The following GRIK2 variants were observed in gnomAD, a reference collection of about 807,000 sequenced individuals.
GRIK2 encodes the protein glutamate receptor ionotropic, kainate 2.
A neutral mutation model predicts 100.3 loss-of-function variants in GRIK2; 32 were observed. The observed-to-expected ratio is 0.32, with a 90% CI of 0.24 to 0.43. GRIK2 has a LOEUF of 0.43. Among genes scored for constraint, GRIK2 ranks in the 20% least tolerant of loss-of-function variants. GRIK2 has a pLI of 1.00. For missense variants in GRIK2, 843 were observed against 1,114.9 expected (o/e 0.76, Z 3.47); for synonymous variants, 417 against 389.4 (o/e 1.07, Z -0.83).
At chr6:101,428,443 G>A (rs776592934) in intron 2 of GRIK2, among the ~76,000 whole-genome samples, 22 of 152,138 alleles carry the variant, frequency 1.4e-4, no homozygotes, top group Non-Finnish European at 2.6e-4. Flanking sequence ...AAGGCCTAAG[G>A]CTTTGGTCAT....
intron 14 of GRIK2, among the ~76,000 whole-genome samples, chr6:102,020,729 T>G (rs566774906): frequency 1.3e-5 from 2 of 152,006 alleles, no homozygotes; most frequent in South Asian, 4.1e-4. Flanking sequence ...CTATTCCTGC[T>G]TTTAGAACAA....
At chr6:102,007,082 C>T (rs529991302) in intron 14 of GRIK2, among the ~76,000 whole-genome samples, 9 of 152,010 alleles carry the variant, frequency 5.9e-5, no homozygotes, top group African/African-American at 1.7e-4. Context: ...GTAAACAAAA[C>T]GTATTCCAGT....
chr6:101,676,977 A>G (rs1318560519), intron 5 of GRIK2, among the ~76,000 whole-genome samples, 173 bp downstream of exon 5: 6 of 152,160 alleles, frequency 3.9e-5, no homozygotes. Context: ...AAGAAAAGTA[A>G]TGTAAACATT....
intron 11 of GRIK2, among the ~76,000 whole-genome samples, chr6:101,863,876 G>A (rs1465715230): frequency 2.6e-5 from 4 of 152,224 alleles, no homozygotes; most frequent in East Asian, 1.9e-4. Context: ...GGTGGCTCAC[G>A]CCTGTAATCC....
chr6:101,654,545 C>CT (rs1781966259), intron 4 of GRIK2, among the ~76,000 whole-genome samples: 1 of 152,186 alleles, frequency 6.6e-6, no homozygotes, highest in African/African-American at 2.4e-5. Flanking sequence ...CCCTACTCCT[C>CT]TCCCCATTCT....
At chr6:101,700,568 C>G (rs1439977641) in intron 7 of GRIK2, among the ~76,000 whole-genome samples, 1 of 152,070 alleles carries the variant, frequency 6.6e-6, no homozygotes, top group Non-Finnish European at 1.5e-5. Flanking sequence ...TACACTAACT[C>G]TAAGTCTCAC....
intron 10 of GRIK2, among the ~76,000 whole-genome samples, chr6:101,826,828 C>G (rs1012923286): frequency 6.6e-6 from 1 of 151,966 alleles, no homozygotes; most frequent in Non-Finnish European, 1.5e-5. Flanking sequence ...GAATGATAGT[C>G]ACTATGCCGA....
intron 2 of GRIK2, among the ~76,000 whole-genome samples, chr6:101,506,287 T>C (rs1318803092): frequency 1.3e-5 from 2 of 152,162 alleles, no homozygotes; most frequent in African/African-American, 4.8e-5. Context: ...TAAAAGAAGT[T>C]GGACTAAATA....
chr6:101,910,858 CACACACAT>C (rs1302814783), intron 12 of GRIK2, among the ~76,000 whole-genome samples: 11 of 150,806 alleles, frequency 7.3e-5, no homozygotes, highest in African/African-American at 2.4e-4. Flanking sequence ...CACACACACA[CACACACAT>C]ACACAAGCAT....
At chr6:101,966,033 A>C (rs1190311437) in intron 14 of GRIK2, among the ~76,000 whole-genome samples, 2 of 152,198 alleles carry the variant, frequency 1.3e-5, no homozygotes, top group Non-Finnish European at 1.5e-5. Flanking sequence ...TCGTGACTGC[A>C]TGTACTTTGT....
chr6:101,943,010 G>A (rs1791051122), intron 14 of GRIK2, among the ~76,000 whole-genome samples: 1 of 152,170 alleles, frequency 6.6e-6, no homozygotes, highest in African/African-American at 2.4e-5. Context: ...CAGGCCTAGA[G>A]GCCTAGGAGG....
In GRIK2 at chr6:101,752,034, C is replaced by A. The variant is rs541742766; in HGVS notation, c.952-47614C>A. On this transcript the variant is annotated intron_variant, in intron 7 of 16. Transcript: ENST00000369134. ...CCTATGTACTATTTAGTTTCCCATTCATACAATTTCATGTAGAAAAGAAAA... is the reference window on the plus strand; with the variant it reads ...CCTATGTACTATTTAGTTTCCCATTAATACAATTTCATGTAGAAAAGAAAA... 7.2e-5 allele frequency among the ~76,000 whole-genome samples: 11 copies of A among 152,256 alleles called. No homozygotes were observed. The South Asian group carries it at 1.7e-3, about 23-fold the overall frequency.
chr6:101,450,694 G>T (rs1023979411), intron 2 of GRIK2, among the ~76,000 whole-genome samples: 2 of 151,290 alleles, frequency 1.3e-5, no homozygotes, highest in African/African-American at 4.8e-5. Flanking sequence ...CTTTGATATG[G>T]TGTAACAAAA....
intron 2 of GRIK2, among the ~76,000 whole-genome samples, chr6:101,583,570 A>T (rs2128303846): frequency 6.6e-6 from 1 of 152,252 alleles, no homozygotes; most frequent in South Asian, 2.1e-4. Context: ...GATGCATCAG[A>T]TAGTGGACTT....
At position 101,441,263 on chromosome 6, in the gene GRIK2, A is replaced by G. The variant is rs1462703057; in HGVS notation, c.115+41871A>G. 2.0e-5 allele frequency among the ~76,000 whole-genome samples: 3 copies of G among 152,054 alleles called. No individual in the cohort carries two copies. The East Asian group carries it at 5.8e-4, about 29-fold the overall frequency. ...AGTAGTCTACTCTCTGTCCCTTGTC[A>G]TCACAGTATTCTTGCTTTTGAGGGA... is the stretch of plus-strand genomic sequence containing the variant. On this transcript the variant is annotated intron_variant, in intron 2 of 16. Transcript: ENST00000369134.
chr6:101,400,489 T>C (rs1775240287), intron 2 of GRIK2, among the ~76,000 whole-genome samples: 1 of 152,220 alleles, frequency 6.6e-6, no homozygotes, highest in African/African-American at 2.4e-5. Flanking sequence ...TTGTAGGCAC[T>C]TCCTCTGACA....
chr6:101,712,249 T>G (rs530071667), intron 7 of GRIK2, among the ~76,000 whole-genome samples: 1 of 151,960 alleles, frequency 6.6e-6, no homozygotes, highest in African/African-American at 2.4e-5. Flanking sequence ...CTGTGTGTGG[T>G]CCACTGAGCA....
intron 2 of GRIK2, among the ~76,000 whole-genome samples, chr6:101,569,480 T>C (rs1054143995): frequency 2.8e-4 from 42 of 151,892 alleles, no homozygotes; most frequent in African/African-American, 9.9e-4. Flanking sequence ...AGTAAATTTA[T>C]AAATATAAAT....
chr6:102,067,642 G>T (rs765837810), intron 16 of GRIK2, among the ~76,000 whole-genome samples: 18 of 151,662 alleles, frequency 1.2e-4, no homozygotes, highest in Admixed American at 4.0e-4. Flanking sequence ...GCAACATAGG[G>T]TCATATTTTT....
Sources: gnomAD v4.1 joint callset for allele counts (sites outside exome capture counted in the v4.1 genomes callset) on GRCh38, gnomAD v4.1.1 for gene constraint, MANE v1.5 for transcripts, NCBI Gene and HGNC (gene_info 2026-07-23, HGNC 2026-07-21) for gene names.